The following CNTN6 variants were observed in gnomAD, a reference collection of about 807,000 sequenced individuals.
The protein encoded by CNTN6 is contactin 6.
A neutral mutation model predicts 122.8 loss-of-function variants in CNTN6; 137 were observed. The observed-to-expected ratio is 1.12, with a 90% CI of 0.97 to 1.29. The LOEUF is 1.29. CNTN6 is among the 50% of genes most tolerant of loss of function. The probability of loss-of-function intolerance (pLI) is 0.00; values close to 1 mark genes in which losing one functional copy is unlikely to be tolerated. For synonymous variants in CNTN6, 570 were observed against 426.0 expected (o/e 1.34, Z -4.16); for missense variants, 1,634 against 1,223.4 (o/e 1.34, Z -5.01).
chr3:1,216,134 A>G (rs1389790960), intron 2 of CNTN6, among the ~76,000 whole-genome samples: 2 of 150,094 alleles, frequency 1.3e-5, no homozygotes, highest in African/African-American at 2.5e-5. Context: ...TTTACTATCC[A>G]TATTTCCCCA....
chr3:1,398,735 G>A (rs371638672), intron 20 of CNTN6, among the ~76,000 whole-genome samples: 2 of 151,972 alleles, frequency 1.3e-5, no homozygotes, highest in East Asian at 3.9e-4. Context: ...GGGAAAATCC[G>A]GCTCTTGGAA....
At chr3:1,110,893 G>A (rs2091452016) in intron 1 of CNTN6, among the ~76,000 whole-genome samples, 1 of 152,138 alleles carries the variant, frequency 6.6e-6, no homozygotes, top group Non-Finnish European at 1.5e-5. Flanking sequence ...TTAATTAGAA[G>A]GGGCAGTAGT....
At chr3:1,210,187 G>A (rs1027612424) in intron 2 of CNTN6, among the ~76,000 whole-genome samples, 1 of 152,042 alleles carries the variant, frequency 6.6e-6, no homozygotes, top group East Asian at 1.9e-4. Context: ...TTAAAGCTCC[G>A]GTCTGCCTCT....
chr3:1,255,356 C>T (rs371219407), intron 4 of CNTN6, among the ~76,000 whole-genome samples: 4 of 149,492 alleles, frequency 2.7e-5, no homozygotes, highest in East Asian at 2.0e-4. Context: ...ATTCCATAGA[C>T]GGAAACACCA....
chr3:1,319,211 A>T (rs968471617), intron 7 of CNTN6, among the ~76,000 whole-genome samples: 4 of 151,576 alleles, frequency 2.6e-5, no homozygotes, highest in Admixed American at 6.6e-5. Context: ...TTTTGCCATG[A>T]CTTTTAATGG....
chr3:1,360,355 C>G (rs897219962), intron 12 of CNTN6, among the ~76,000 whole-genome samples: 1 of 152,040 alleles, frequency 6.6e-6, no homozygotes, highest in Non-Finnish European at 1.5e-5. Flanking sequence ...CTGTTATCAA[C>G]TATTACACTG....
At chr3:1,329,717 A>C (rs1702023061) in intron 10 of CNTN6, 68 bp from the exon 11 acceptor site, 1 of 1,342,340 alleles carries the variant, frequency 7.4e-7, no homozygotes, top group Admixed American at 2.2e-5. Flanking sequence ...TAGCATAGCA[A>C]GTCACCCCTG....
intron 20 of CNTN6, among the ~76,000 whole-genome samples, chr3:1,386,901 T>A (rs890048508): frequency 4.0e-5 from 6 of 151,774 alleles, no homozygotes; most frequent in African/African-American, 1.2e-4. Context: ...ATTCCCCTTA[T>A]GCGTATATAT....
chr3:1,245,241 C>A (rs1375686511), intron 4 of CNTN6, among the ~76,000 whole-genome samples: 147 of 11,440 alleles, frequency 0.013, 29 homozygotes, highest in African/African-American at 0.024. Context: ...TATATACACA[C>A]ACACATATAT....
chr3:1,363,780 A>C (rs1418456719), intron 12 of CNTN6, among the ~76,000 whole-genome samples: 2 of 152,042 alleles, frequency 1.3e-5, no homozygotes, highest in East Asian at 3.9e-4. Flanking sequence ...TATATCCACA[A>C]GAGGGATTGC....
In CNTN6 at chr3:1,220,724, G is replaced by C; in HGVS notation, c.93G>C (p.Glu31Asp). The change falls in exon 3 of 23, where the codon GAG becomes GAC. Residue 31 changes from glutamate (E) to aspartate (D), a missense_variant. Coordinates refer to ENST00000446702, the MANE Select transcript of CNTN6 (RefSeq NM_001289080.2). ...GLLSRPIFTQEPHDVIFPLDL... is the reference protein window; with the variant it reads ...GLLSRPIFTQDPHDVIFPLDL... ...TAAGCCGTCCTATTTTTACTCAGGA[G>C]CCACATGATGTCATTTTTCCTTTGG... The C allele has an allele frequency of 6.2e-7, 1 of 1,612,792 alleles. No individual in the cohort carries two copies.
chr3:1,328,830 A>G (rs1409360777), intron 10 of CNTN6, among the ~76,000 whole-genome samples: 1 of 151,714 alleles, frequency 6.6e-6, no homozygotes, highest in Admixed American at 6.6e-5. Context: ...GGATTCCAAC[A>G]TTCATGAAGT....
In CNTN6 at chr3:1,182,732, T is replaced by C. The variant is rs182197400; in HGVS notation, c.55+34669T>C. On this transcript the variant is annotated intron_variant, in intron 2 of 22. Coordinates refer to ENST00000446702, the MANE Select transcript of CNTN6 (RefSeq NM_001289080.2). ...TTGATGAAACATGCCTGAATGCTTGTGATATAAAATTATATTTCAGTTCCA... is the reference window on the plus strand; with the variant it reads ...TTGATGAAACATGCCTGAATGCTTGCGATATAAAATTATATTTCAGTTCCA... 4.5e-3 allele frequency among the ~76,000 whole-genome samples: 681 copies of C among 152,230 alleles called. 4 individuals carry two copies. The highest frequency in any genetic ancestry group is 0.016 in the African/African-American group (659 of 41,564).
chr3:1,106,914 C>T (rs187832125), intron 1 of CNTN6, among the ~76,000 whole-genome samples: 3 of 152,164 alleles, frequency 2.0e-5, no homozygotes, highest in African/African-American at 7.2e-5. Flanking sequence ...CGTTGAGTTA[C>T]TCAAATATTA....
intron 2 of CNTN6, among the ~76,000 whole-genome samples, chr3:1,171,010 G>C (rs1370054384): frequency 1.3e-5 from 2 of 152,222 alleles, no homozygotes; most frequent in Admixed American, 6.5e-5. Flanking sequence ...GGTAGGGGTA[G>C]TGCCAATAGT....
chr3:1,135,599 CAT>C (rs111271798), intron 1 of CNTN6, among the ~76,000 whole-genome samples: 2,344 of 152,256 alleles, frequency 0.015, 51 homozygotes, highest in African/African-American at 0.053. Flanking sequence ...TACACACACA[CAT>C]ACATAAATAC....
intron 11 of CNTN6, among the ~76,000 whole-genome samples, chr3:1,340,466 C>G (rs1284763470): frequency 6.6e-6 from 1 of 152,054 alleles, no homozygotes; most frequent in African/African-American, 2.4e-5. Flanking sequence ...ACACAATGTT[C>G]GGAAGACTGA....
chr3:1,307,627 C>T (rs1324817289), intron 7 of CNTN6, among the ~76,000 whole-genome samples: 1 of 152,082 alleles, frequency 6.6e-6, no homozygotes, highest in Admixed American at 6.6e-5. Flanking sequence ...AAGATTCCAT[C>T]CAGAATACCA....
chr3:1,383,399 G>A lies in CNTN6; in HGVS notation c.2508G>A (p.Leu836=), dbSNP rs1339316947. ...IAWNRNTGRV[L]GYEVLYWTDD... Reference sequence around the variant, plus strand: ...GGAATAGAAACACTGGAAGAGTGCTGGGCTATGAGGTAATCCACATTAATT... The same window carrying A: ...GGAATAGAAACACTGGAAGAGTGCTAGGCTATGAGGTAATCCACATTAATT... Residue 836 remains leucine, a synonymous_variant, in exon 19 of 23, where the codon CTG becomes CTA. Transcript: ENST00000446702. 5.6e-6 allele frequency: 9 copies of A among 1,612,580 alleles called. No homozygotes were observed. The highest frequency in any genetic ancestry group is 1.1e-5 in the South Asian group (1 of 91,030).
Sources: allele counts gnomAD v4.1 joint callset (sites outside exome capture counted in the v4.1 genomes callset), GRCh38; gene constraint gnomAD v4.1.1; transcripts MANE v1.5; gene names NCBI Gene and HGNC (gene_info 2026-07-23, HGNC 2026-07-21).